Variants in ESRRG observed in about 807,000 individuals in gnomAD.
The protein encoded by ESRRG is estrogen related receptor gamma, also known as estrogen-related receptor gamma.
Under a neutral mutation model 44.0 loss-of-function variants are expected in ESRRG, and 13 were observed. That is an observed-to-expected ratio of 0.30 (90% CI 0.19 to 0.47). The LOEUF is 0.47. Ranked by LOEUF, ESRRG falls within the 20% of genes least tolerant of loss-of-function variation. ESRRG has a pLI of 1.00. For missense variants in ESRRG, 395 were observed against 580.6 expected (o/e 0.68, Z 3.29); for synonymous variants, 215 against 214.6 (o/e 1.00, Z -0.02).
At chr1:216,785,708 T>C (rs969566646) in intron 2 of ESRRG, among the ~76,000 whole-genome samples, 1 of 152,092 alleles carries the variant, frequency 6.6e-6, no homozygotes, top group East Asian at 1.9e-4. Flanking sequence ...TTTTTTTTGC[T>C]CATTTCCAAA....
chr1:217,117,502 T>C (rs576366445), intron 1 of ESRRG, among the ~76,000 whole-genome samples: 2 of 152,192 alleles, frequency 1.3e-5, no homozygotes, highest in East Asian at 3.9e-4. Flanking sequence ...GATTGATCAC[T>C]TGAGCCTAGG....
At chr1:216,869,837 A>G (rs2096234727) in intron 2 of ESRRG, among the ~76,000 whole-genome samples, 1 of 151,966 alleles carries the variant, frequency 6.6e-6, no homozygotes, top group Non-Finnish European at 1.5e-5. Flanking sequence ...TTTTAAGTGC[A>G]CTTTCCAATT....
intron 3 of ESRRG, among the ~76,000 whole-genome samples, chr1:216,574,148 G>A (rs956197479): frequency 6.6e-6 from 1 of 152,096 alleles, no homozygotes; most frequent in Non-Finnish European, 1.5e-5. Context: ...AAGGCAATTA[G>A]ATTTTCCATT....
chr1:216,666,951 A>C (rs2074067132), intron 2 of ESRRG, among the ~76,000 whole-genome samples: 1 of 152,204 alleles, frequency 6.6e-6, no homozygotes, highest in Non-Finnish European at 1.5e-5. Context: ...AAAAAAAATC[A>C]GTGGAAGAAA....
intron 3 of ESRRG, among the ~76,000 whole-genome samples, chr1:216,637,560 C>A (rs558138985): frequency 1.3e-5 from 2 of 152,208 alleles, no homozygotes; most frequent in South Asian, 2.1e-4. Context: ...AGAGAAGAAC[C>A]AAAAGACATC....
At chr1:216,644,352 T>C (rs1054501563) in intron 3 of ESRRG, among the ~76,000 whole-genome samples, 1 of 152,022 alleles carries the variant, frequency 6.6e-6, no homozygotes, top group Admixed American at 6.6e-5. Flanking sequence ...TCTAGACTTC[T>C]ACAAAGTGGA....
intron 3 of ESRRG, among the ~76,000 whole-genome samples, chr1:216,602,586 C>G (rs2059395031): frequency 6.6e-6 from 1 of 152,166 alleles, no homozygotes. Context: ...CCCGGATTAT[C>G]TATTCTGAGT....
intron 1 of ESRRG, among the ~76,000 whole-genome samples, chr1:217,109,534 C>G (rs7538916): frequency 6.6e-6 from 1 of 152,070 alleles, no homozygotes; most frequent in African/African-American, 2.4e-5. Flanking sequence ...ATTAAAGGAG[C>G]CCAGGAGATA....
intron 1 of ESRRG, among the ~76,000 whole-genome samples, chr1:216,950,107 C>G (rs1463857191): frequency 6.6e-6 from 1 of 152,170 alleles, no homozygotes; most frequent in Admixed American, 6.5e-5. Context: ...GCCACCACAC[C>G]CAGCCCTTAC....
intron 1 of ESRRG, among the ~76,000 whole-genome samples, chr1:216,966,514 CACT>C (rs985639971): frequency 6.6e-6 from 1 of 152,142 alleles, no homozygotes; most frequent in African/African-American, 2.4e-5. Flanking sequence ...AAACTAGCCA[CACT>C]ACTAGGAAAA....
chr1:216,938,299 A>G (rs538257421), intron 2 of ESRRG, among the ~76,000 whole-genome samples: 5 of 152,338 alleles, frequency 3.3e-5, no homozygotes, highest in South Asian at 2.1e-4. Flanking sequence ...TTCTGAAAGC[A>G]GGGCACACCT....
At chr1:216,569,996 G>T (rs977536709) in intron 3 of ESRRG, among the ~76,000 whole-genome samples, 4 of 152,144 alleles carry the variant, frequency 2.6e-5, no homozygotes, top group Admixed American at 6.5e-5. Flanking sequence ...TACATGAAAC[G>T]ATTTGGGAAA....
intron 1 of ESRRG, among the ~76,000 whole-genome samples, chr1:217,113,590 GCTTGGGAGGGACCATTTTTCA>G (rs72208422): frequency 0.15 from 23,097 of 152,174 alleles, 2,313 homozygotes; most frequent in Non-Finnish European, 0.2. Flanking sequence ...ACTTTTGGGG[GCTTGGGAGGGACCATTTTTCA>G]CTTGGGAAGA....
intron 6 of ESRRG, among the ~76,000 whole-genome samples, chr1:216,512,814 C>T (rs1429474847): frequency 6.6e-6 from 1 of 151,986 alleles, no homozygotes; most frequent in Non-Finnish European, 1.5e-5. Context: ...GGGAGATTAT[C>T]CTAGATTATT....
At chr1:216,792,461 A>G (rs1260548899) in intron 2 of ESRRG, among the ~76,000 whole-genome samples, 1 of 152,168 alleles carries the variant, frequency 6.6e-6, no homozygotes, top group African/African-American at 2.4e-5. Flanking sequence ...ACTTACAGCC[A>G]TCAACGATTG....
chr1:216,996,294 A>C (rs1339060381), intron 1 of ESRRG, among the ~76,000 whole-genome samples: 1 of 152,128 alleles, frequency 6.6e-6, no homozygotes, highest in Non-Finnish European at 1.5e-5. Flanking sequence ...GAGAGTATAA[A>C]AAGTGTACAT....
At chr1:217,036,464 C>T (rs1349972408) in intron 1 of ESRRG, among the ~76,000 whole-genome samples, 1 of 152,186 alleles carries the variant, frequency 6.6e-6, no homozygotes, top group Non-Finnish European at 1.5e-5. Flanking sequence ...ACATATACAT[C>T]ATGGAACACT....
At chr1:216,530,420 C>T (rs1270142622) in intron 5 of ESRRG, among the ~76,000 whole-genome samples, 1 of 152,078 alleles carries the variant, frequency 6.6e-6, no homozygotes, top group African/African-American at 2.4e-5. Context: ...TAAACACTGC[C>T]TATTCAAGTA....
At chr1:216,780,400 G>A (rs1246077780) in intron 2 of ESRRG, among the ~76,000 whole-genome samples, 1 of 151,950 alleles carries the variant, frequency 6.6e-6, no homozygotes, top group Admixed American at 6.6e-5. Context: ...GGGAATGCCT[G>A]GAGATTTTTT....
Sources: gnomAD v4.1 joint callset for allele counts (sites outside exome capture counted in the v4.1 genomes callset) on GRCh38, gnomAD v4.1.1 for gene constraint, MANE v1.5 for transcripts, NCBI Gene and HGNC (gene_info 2026-07-23, HGNC 2026-07-21) for gene names.